AFF2: variants seen among roughly 807,000 people sequenced by gnomAD.
AFF2 encodes ALF transcription elongation factor 2, also known as AF4/FMR2 family member 2.
A neutral mutation model predicts 76.9 loss-of-function variants in AFF2; 14 were observed. The observed-to-expected ratio is 0.18, with a 90% CI of 0.12 to 0.28. The LOEUF is 0.28. AFF2 is among the 10% of genes least tolerant of loss of function. The pLI is 1.00. For synonymous variants in AFF2, 398 were observed against 366.7 expected, an observed-to-expected ratio of 1.09 and a Z score of -0.98; for missense variants, 868 against 1,001.1, an observed-to-expected ratio of 0.87 and a Z score of 1.79.
chrX:148,644,220 C>T (rs1199939402), intron 1 of AFF2, among the ~76,000 whole-genome samples: 1 of 111,655 alleles, frequency 9.0e-6, no homozygotes, highest in Non-Finnish European at 1.9e-5. Context: ...GCACTGTGCA[C>T]GTTGTGTGAG....
At chrX:148,937,670 C>T (rs1317787057) in intron 9 of AFF2, among the ~76,000 whole-genome samples, 4 of 111,798 alleles carry the variant, frequency 3.6e-5, no homozygotes, top group Non-Finnish European at 7.5e-5. Context: ...GAGTGTAAAC[C>T]ATGTGAATTC....
chrX:148,759,300 A>G (rs2069413310), intron 3 of AFF2, among the ~76,000 whole-genome samples: 1 of 112,366 alleles, frequency 8.9e-6, no homozygotes, highest in African/African-American at 3.2e-5. Context: ...ATGATCCTAG[A>G]AAATATGTAC....
At chrX:148,942,938 A>G (rs891597029) in intron 9 of AFF2, among the ~76,000 whole-genome samples, 11 of 111,907 alleles carry the variant, frequency 9.8e-5, no homozygotes, top group Admixed American at 3.8e-4. Context: ...TTCAAAGCCT[A>G]ATTACTAGGC....
At chrX:148,868,432 C>G (rs2070934198) in intron 7 of AFF2, among the ~76,000 whole-genome samples, 1 of 111,714 alleles carries the variant, frequency 9.0e-6, no homozygotes, top group Non-Finnish European at 1.9e-5. Flanking sequence ...AGTGAGAGAT[C>G]TTGAAGGCTT....
intron 4 of AFF2, among the ~76,000 whole-genome samples, chrX:148,815,976 G>A (rs782065130): frequency 3.6e-5 from 4 of 111,931 alleles, no homozygotes; most frequent in African/African-American, 6.5e-5. Context: ...GATGAAAGCC[G>A]GTGAGAATTT....
intron 15 of AFF2, among the ~76,000 whole-genome samples, chrX:148,968,477 C>T (rs1294650629): frequency 2.7e-5 from 3 of 111,862 alleles, no homozygotes; most frequent in Non-Finnish European, 5.6e-5. Flanking sequence ...TATTTGAGAA[C>T]GACTGTCCTA....
intron 1 of AFF2, among the ~76,000 whole-genome samples, chrX:148,638,464 A>G (rs1290012942): frequency 9.0e-6 from 1 of 111,445 alleles, no homozygotes; most frequent in East Asian, 2.8e-4. Flanking sequence ...GCATGATCCA[A>G]TCACCCCCCA....
chrX:148,878,171 C>T (rs1043199480), intron 7 of AFF2, among the ~76,000 whole-genome samples: 2 of 111,800 alleles, frequency 1.8e-5, no homozygotes, highest in African/African-American at 6.5e-5. Flanking sequence ...AGAGAAAGTC[C>T]TCACTTGGCA....
At chrX:148,529,425 G>A (rs1344380753) in intron 1 of AFF2, among the ~76,000 whole-genome samples, 1 of 112,042 alleles carries the variant, frequency 8.9e-6, no homozygotes, top group Non-Finnish European at 1.9e-5. Context: ...ACAAAGTATA[G>A]GTCAACACAG....
intron 3 of AFF2, among the ~76,000 whole-genome samples, chrX:148,706,335 G>A (rs1180070619): frequency 8.9e-6 from 1 of 112,326 alleles, no homozygotes; most frequent in African/African-American, 3.2e-5. Flanking sequence ...TGCATATGGA[G>A]CAATAGAATT....
At chrX:148,845,047 T>C (rs782369603) in intron 7 of AFF2, among the ~76,000 whole-genome samples, 66 of 110,352 alleles carry the variant, frequency 6.0e-4, no homozygotes, top group African/African-American at 2.1e-3. Flanking sequence ...ACAATAGATC[T>C]AATCCTCCCT....
At chrX:148,882,099 C>A (rs1418200157) in intron 7 of AFF2, among the ~76,000 whole-genome samples, 1 of 111,503 alleles carries the variant, frequency 9.0e-6, no homozygotes, top group East Asian at 2.8e-4. Context: ...TCAAAATCAT[C>A]TAAGCATTCC....
intron 4 of AFF2, among the ~76,000 whole-genome samples, chrX:148,819,972 T>C (rs1192995656): frequency 1.8e-5 from 2 of 111,599 alleles, no homozygotes; most frequent in Non-Finnish European, 3.8e-5. Flanking sequence ...TCCAGTCTCT[T>C]CTACTTGTCT....
intron 3 of AFF2, among the ~76,000 whole-genome samples, chrX:148,696,379 C>A (rs2054722747): frequency 9.1e-6 from 1 of 110,416 alleles, no homozygotes; most frequent in South Asian, 3.9e-4. Context: ...AGCACACCAA[C>A]ATGGCACATG....
chrX:148,905,025 T>C (rs2124209225), intron 9 of AFF2, among the ~76,000 whole-genome samples: 1 of 112,151 alleles, frequency 8.9e-6, no homozygotes, highest in Admixed American at 9.4e-5. Flanking sequence ...TAATATCACA[T>C]CTCGAGGAAC....
chrX:148,901,015 C>T (rs911150411), intron 8 of AFF2, among the ~76,000 whole-genome samples: 1 of 112,314 alleles, frequency 8.9e-6, no homozygotes, highest in African/African-American at 3.2e-5. Context: ...TCAAGGTGCA[C>T]TGCATTTGCA....
chrX:148,662,359 A>G lies in AFF2; in HGVS notation c.632A>G (p.Glu211Gly). ...AEQPQIGEVE[E>G]SNPSAKEDSN... ...CAGCCCCAGATTGGAGAAGTTGAAG[A>G]GTCAAACCCATCTGCAAAGGAAGAC... The change falls in exon 3 of 21, where the codon GAG becomes GGG. Residue 211 changes from glutamate (E) to glycine (G), a missense_variant. Transcript: ENST00000370460. 1 of 1,212,026 alleles carries G rather than the reference A, an allele frequency of 8.3e-7. No homozygotes were observed. Among genetic ancestry groups the G allele is most frequent in the Non-Finnish European group, 1.1e-6 (1 of 895,536 alleles).
Position 148,505,005 on chromosome X carries a change from T to C in AFF2, c.47+3861T>C, listed in dbSNP as rs1306776355. On this transcript the variant is annotated intron_variant, in intron 1 of 20. Transcript: ENST00000370460. ...GGTGGGGGGAGGGGAAGTCCTGTTT[T>C]GAATAAGGCCTAGAGATTCCCAGCA... Among the ~76,000 whole-genome samples the C allele has an allele frequency of 5.5e-5, 6 of 108,860 alleles. No individual in the cohort carries two copies. In the East Asian group the frequency reaches 1.5e-3, roughly 27 times the overall value. The allele number at this position is 108,860 out of a possible 115,157, so 94.5% of individuals were successfully genotyped here.
intron 3 of AFF2, among the ~76,000 whole-genome samples, chrX:148,734,884 T>C (rs1234634968): frequency 1.8e-5 from 2 of 112,121 alleles, no homozygotes; most frequent in African/African-American, 6.5e-5. Context: ...TCATCTAGCA[T>C]GTCTGACAGA....
Sources: gnomAD v4.1 joint callset for allele counts (sites outside exome capture counted in the v4.1 genomes callset) on GRCh38, gnomAD v4.1.1 for gene constraint, MANE v1.5 for transcripts, NCBI Gene and HGNC (gene_info 2026-07-23, HGNC 2026-07-21) for gene names.